Variants in SLC39A8 observed in about 807,000 individuals in gnomAD.
SLC39A8 encodes the protein solute carrier family 39 member 8.
A neutral mutation model predicts 40.4 loss-of-function variants in SLC39A8; 15 were observed. That is an observed-to-expected ratio of 0.37 (90% CI 0.25 to 0.57). The LOEUF is 0.57. Ranked by LOEUF, SLC39A8 falls within the 20% of genes least tolerant of loss-of-function variation. The probability of loss-of-function intolerance (pLI) is 0.75; values close to 1 mark genes in which losing one functional copy is unlikely to be tolerated. For synonymous variants in SLC39A8, 223 were observed against 221.6 expected, an observed-to-expected ratio of 1.01 and a Z score of -0.06; for missense variants, 472 against 558.8, an observed-to-expected ratio of 0.84 and a Z score of 1.57.
At chr4:102,321,279 G>A (rs1054389651) in intron 2 of SLC39A8, among the ~76,000 whole-genome samples, 1 of 152,176 alleles carries the variant, frequency 6.6e-6, no homozygotes, top group Non-Finnish European at 1.5e-5. Context: ...ATAGAATGCT[G>A]GGAGAGTAGA....
downstream of SLC39A8, among the ~76,000 whole-genome samples, chr4:102,259,843 G>A (rs1331044594): frequency 6.6e-6 from 1 of 152,214 alleles, no homozygotes; most frequent in East Asian, 1.9e-4. Flanking sequence ...TTGCCAGTAT[G>A]TGTTAATAGT....
At chr4:102,257,635 G>T (rs1057508430), downstream of SLC39A8, among the ~76,000 whole-genome samples, 1 of 152,170 alleles carries the variant, frequency 6.6e-6, no homozygotes, top group African/African-American at 2.4e-5. Flanking sequence ...GAGGCAAAAA[G>T]CAGGATACAG....
intron 2 of SLC39A8, among the ~76,000 whole-genome samples, chr4:102,341,115 G>C (rs1301295586): frequency 6.6e-6 from 1 of 152,114 alleles, no homozygotes; most frequent in Non-Finnish European, 1.5e-5. Context: ...GTTGCTTTGA[G>C]AAGACTGAAT....
At chr4:102,343,385 G>A (rs1207529344) in intron 2 of SLC39A8, among the ~76,000 whole-genome samples, 1 of 152,160 alleles carries the variant, frequency 6.6e-6, no homozygotes, top group Non-Finnish European at 1.5e-5. Flanking sequence ...AAATTTCCAA[G>A]AGCAGAGTAT....
At chr4:102,292,074 G>C (rs1733471584) in intron 6 of SLC39A8, among the ~76,000 whole-genome samples, 1 of 151,786 alleles carries the variant, frequency 6.6e-6, no homozygotes, top group South Asian at 2.1e-4. Flanking sequence ...TGGTCAAAAG[G>C]GACAGAGTTA....
chr4:102,251,785 C>T (rs1016754849), exon 12 of SLC39A8: 1 of 152,200 alleles, frequency 6.6e-6, no homozygotes, highest in African/African-American at 2.4e-5. Context: ...CTCTCAGTTC[C>T]AATTTCTCAT....
At position 102,304,415 on chromosome 4, in the gene SLC39A8, A is replaced by G. The variant is rs766303238; in HGVS notation, c.742T>C (p.Leu248=). ...PQEKTHQPKA[L]PAINGVTCYA... Reference sequence around the variant, plus strand: ...CATGTCACACCATTGATGGCAGGTAATGCTTTAGGTTGATGAGTTTTTTCT... The same window carrying G: ...CATGTCACACCATTGATGGCAGGTAGTGCTTTAGGTTGATGAGTTTTTTCT... The change falls in exon 6 of 9, where the codon TTA becomes CTA. Residue 248 remains leucine (L), a synonymous_variant. Transcript: ENST00000356736. 2.0e-5 allele frequency: 33 copies of G among 1,611,654 alleles called. 1 individual carries two copies. Among genetic ancestry groups the G allele is most frequent in the Non-Finnish European group, 4.2e-6 (5 of 1,178,480 alleles).
At chr4:102,320,181 A>G (rs1272829008) in intron 2 of SLC39A8, among the ~76,000 whole-genome samples, 4 of 99,920 alleles carry the variant, frequency 4.0e-5, no homozygotes, top group African/African-American at 1.3e-4. Flanking sequence ...ATATATATAT[A>G]TATATATATG....
downstream of SLC39A8, among the ~76,000 whole-genome samples, chr4:102,260,140 T>C (rs190642448): frequency 6.6e-6 from 1 of 152,308 alleles, no homozygotes; most frequent in Admixed American, 6.5e-5. Context: ...GGGATTGATC[T>C]GAAACAAGTC....
chr4:102,309,705 A>G (rs1045463340), intron 3 of SLC39A8, among the ~76,000 whole-genome samples: 1 of 152,146 alleles, frequency 6.6e-6, no homozygotes, highest in Admixed American at 6.6e-5. Context: ...GCAAAGCCAC[A>G]TGCACATGTT....
chr4:102,315,117 T>G (rs375001355), intron 3 of SLC39A8, among the ~76,000 whole-genome samples: 7 of 152,286 alleles, frequency 4.6e-5, no homozygotes, highest in African/African-American at 1.4e-4. Context: ...GGTTTAAAAT[T>G]TCTTTGCATC....
intron 6 of SLC39A8, among the ~76,000 whole-genome samples, chr4:102,281,503 A>G (rs1732869413): frequency 6.6e-6 from 1 of 152,204 alleles, no homozygotes; most frequent in Non-Finnish European, 1.5e-5. Context: ...TTTCTGTGGC[A>G]GAGAAGATCT....
At chr4:102,339,213 G>A (rs961209009) in intron 2 of SLC39A8, among the ~76,000 whole-genome samples, 3 of 151,888 alleles carry the variant, frequency 2.0e-5, no homozygotes, top group Non-Finnish European at 4.4e-5. Context: ...CTTAACAAGA[G>A]ACCTAGGTAA....
chr4:102,292,231 G>C (rs992398250), intron 6 of SLC39A8, among the ~76,000 whole-genome samples: 10 of 151,972 alleles, frequency 6.6e-5, no homozygotes, highest in Non-Finnish European at 1.0e-4. Context: ...AATAGGTGAA[G>C]TGATGAATAT....
At chr4:102,260,152 T>A (rs903356242), downstream of SLC39A8, among the ~76,000 whole-genome samples, 11 of 152,188 alleles carry the variant, frequency 7.2e-5, no homozygotes, top group South Asian at 8.3e-4. Flanking sequence ...AAACAAGTCA[T>A]GAGAATCCCT....
At chr4:102,265,811 T>C (rs1276609518) in intron 8 of SLC39A8, among the ~76,000 whole-genome samples, 2 of 152,350 alleles carry the variant, frequency 1.3e-5, no homozygotes, top group African/African-American at 4.8e-5. Context: ...GGATGGAATT[T>C]ACCTCATTTT....
exon 12 of SLC39A8, chr4:102,253,370 G>T: frequency 1.4e-6 from 1 of 711,022 alleles, no homozygotes; most frequent in South Asian, 1.5e-5. Context: ...CACTGTTGAA[G>T]GTGCTGGTAT....
intron 6 of SLC39A8, among the ~76,000 whole-genome samples, chr4:102,302,284 T>G (rs1733954490): frequency 6.6e-6 from 1 of 151,980 alleles, no homozygotes. Context: ...CCATCTGGTA[T>G]CTAAAGAATT....
At chr4:102,265,453 A>G (rs1732059132) in intron 8 of SLC39A8, among the ~76,000 whole-genome samples, 1 of 152,194 alleles carries the variant, frequency 6.6e-6, no homozygotes, top group African/African-American at 2.4e-5. Flanking sequence ...AACAGATATT[A>G]TAATAATAAT....
Sources: gnomAD v4.1 joint callset for allele counts (sites outside exome capture counted in the v4.1 genomes callset) on GRCh38, gnomAD v4.1.1 for gene constraint, MANE v1.5 for transcripts, NCBI Gene and HGNC (gene_info 2026-07-23, HGNC 2026-07-21) for gene names.